The following SOS2 variants were observed in gnomAD, a reference collection of about 807,000 sequenced individuals.
SOS2 encodes SOS Ras/Rho guanine nucleotide exchange factor 2.
SOS2 carries 65 observed loss-of-function variants against 148.2 expected under a neutral mutation model. The observed-to-expected ratio is 0.44, with a 90% CI of 0.36 to 0.54. SOS2 has a LOEUF of 0.54. SOS2 is among the 20% of genes least tolerant of loss of function. The pLI, the probability that SOS2 is intolerant of heterozygous loss-of-function variation, is 0.00. For missense variants in SOS2, 1,341 were observed against 1,590.2 expected (o/e 0.84, Z 2.67); for synonymous variants, 539 against 537.1 (o/e 1.00, Z -0.05).
chr14:50,132,354 T>TAAAAAA (rs886376742), intron 19 of SOS2, among the ~76,000 whole-genome samples: 1 of 62,980 alleles, frequency 1.6e-5, no homozygotes, highest in Non-Finnish European at 2.8e-5. Context: ...CTATTGCCAT[T>TAAAAAA]AAAAAAAAAA....
intron 1 of SOS2, chr14:50,215,535 C>T (rs944160752): frequency 2.6e-6 from 3 of 1,157,394 alleles, no homozygotes; most frequent in Non-Finnish European, 3.3e-6. Context: ...AATTTCCAGT[C>T]TTTAACAGTA....
intron 1 of SOS2, among the ~76,000 whole-genome samples, chr14:50,209,006 C>G (rs1886768690): frequency 6.6e-6 from 1 of 152,094 alleles, no homozygotes; most frequent in Non-Finnish European, 1.5e-5. Context: ...CCCAGTGTGG[C>G]CTTATCCACT....
chr14:50,174,312 G>C (rs1594993204), intron 8 of SOS2, 142 bp downstream of exon 8: 1 of 415,664 alleles, frequency 2.4e-6, no homozygotes, highest in East Asian at 3.4e-5. Context: ...TAGAAATTTA[G>C]AGCAATGTTA....
At chr14:50,230,350 A>G (rs1298193058) in intron 1 of SOS2, among the ~76,000 whole-genome samples, 1 of 152,240 alleles carries the variant, frequency 6.6e-6, no homozygotes, top group Non-Finnish European at 1.5e-5. Flanking sequence ...AACAGGCATG[A>G]CAGCTGATCA....
chr14:50,165,302 C>T (rs1885131761), intron 8 of SOS2, among the ~76,000 whole-genome samples: 3 of 152,150 alleles, frequency 2.0e-5, no homozygotes, highest in Admixed American at 2.0e-4. Context: ...AAAACAGGAA[C>T]TGGTCAGTGA....
chr14:50,123,677 C>G (rs923503729), intron 21 of SOS2, among the ~76,000 whole-genome samples: 1 of 151,314 alleles, frequency 6.6e-6, no homozygotes, highest in Non-Finnish European at 1.5e-5. Context: ...GCCACCGTAC[C>G]CGGCCCACCA....
At chr14:50,128,705 C>G (rs1356932284) in intron 21 of SOS2, among the ~76,000 whole-genome samples, 1 of 152,136 alleles carries the variant, frequency 6.6e-6, no homozygotes, top group African/African-American at 2.4e-5. Flanking sequence ...GGTAGAGAAC[C>G]ACTGTTAATT....
intron 7 of SOS2, among the ~76,000 whole-genome samples, chr14:50,178,898 T>A (rs997706674): frequency 1.3e-5 from 2 of 151,846 alleles, no homozygotes; most frequent in African/African-American, 4.8e-5. Context: ...CACACCCAGC[T>A]AATTTTTGCA....
intron 5 of SOS2, 118 bp downstream of exon 5, chr14:50,188,379 G>C: frequency 4.3e-6 from 3 of 695,480 alleles, no homozygotes; most frequent in Non-Finnish European, 7.3e-6. Context: ...CTGCACTCCA[G>C]CCTGGGCAAC....
chr14:50,138,789 TA>T lies in SOS2; in HGVS notation c.2786-6del, dbSNP rs201957103. ...GAATATTTGTTAAATATATTCCTAG[TA>T]AAAAAAAAAAAAGAATTTAAAGAAA... On this transcript the variant is annotated splice_polypyrimidine_tract_variant and splice_region_variant and intron_variant, in intron 17 of 22. Transcript: ENST00000216373. 0.15 allele frequency: 85,661 copies of T among 586,194 alleles called. 172 individuals are homozygous for T. Among genetic ancestry groups the T allele is most frequent in the Middle Eastern group, 0.2 (386 of 1,966 alleles). The allele number at this position is 586,194 out of a possible 1,614,324, so 36.3% of individuals were successfully genotyped here.
In SOS2 at chr14:50,118,651, G is replaced by A. The variant is rs534481979; in HGVS notation, c.3692C>T (p.Pro1231Leu). 1.2e-6 allele frequency: 2 copies of A among 1,613,996 alleles called. No homozygotes were observed. Among genetic ancestry groups the A allele is most frequent in the African/African-American group, 2.7e-5 (2 of 74,972 alleles). Residue 1231 changes from proline to leucine, a missense_variant, in exon 23 of 23, where the codon CCA becomes CTA. Pro to Leu is a moderately conservative substitution (Grantham distance 98). Around this residue, in one of 4 missense-constraint regions of SOS2, gnomAD observed 354 missense variants for 347.7 expected, o/e 1.02. Transcript: ENST00000216373. ...LRPPEHFINC[P>L]FNLQPPPLGH... is the part of the protein sequence containing the mutation. ...CAGTGGAGGTGGCTGAAGATTAAAT[G>A]GACAGTTTATAAAGTGTTCTGGAGG... is the stretch of plus-strand genomic sequence containing the variant.
chr14:50,231,264 G>A lies in SOS2; in HGVS notation c.20C>T (p.Pro7Leu). Residue 7 changes from proline (P) to leucine (L), a missense_variant, in exon 1 of 23, where the codon CCT becomes CTT. Physicochemically the swap from Pro to Leu is moderately conservative, Grantham distance 98 (BLOSUM62 -3). Coordinates refer to ENST00000216373, the MANE Select transcript of SOS2 (RefSeq NM_006939.4). MQQAPQPYEFFSEENSP... is the reference protein window; with the variant it reads MQQAPQLYEFFSEENSP... ...GTTCTCCTCGCTGAAGAACTCGTAA[G>A]GCTGCGGCGCCTGCTGCATGGCCCC... 6.8e-7 allele frequency: 1 copy of A among 1,480,498 alleles called. No homozygotes were observed. Among genetic ancestry groups the A allele is most frequent in the Non-Finnish European group, 9.1e-7 (1 of 1,101,754 alleles). The allele number at this position is 1,480,498 out of a possible 1,614,324, so 91.7% of individuals were successfully genotyped here. A position where few individuals can be genotyped will look rare whatever the true frequency, so the allele number is the denominator to read the frequency against.
chr14:50,150,131 C>T lies in SOS2; in HGVS notation c.2261G>A (p.Ser754Asn), dbSNP rs181275468. ...NGVSHNITFE[S>N]PPPPIEWHIS... is the part of the protein sequence containing the mutation. ...ATGCCATTCAATTGGTGGAGGTGGA[C>T]TTTCAAAGGTAATATTATGGCTTAC... Residue 754 changes from serine (S) to asparagine (N), a missense_variant, in exon 14 of 23, where the codon AGT becomes AAT. Ser to Asn is a conservative substitution (Grantham distance 46, BLOSUM62 1). Transcript: ENST00000216373. 27 of 1,613,286 alleles carry T rather than the reference C, an allele frequency of 1.7e-5. No individual in the cohort carries two copies. In the Admixed American group the frequency reaches 2.5e-4, roughly 15 times the overall value.
At position 50,231,308 on chromosome 14, in the gene SOS2, T is replaced by C; in HGVS notation, c.-25A>G. 2 of 1,349,702 alleles carry C rather than the reference T, an allele frequency of 1.5e-6. No homozygotes were observed. The highest frequency in any genetic ancestry group is 4.5e-5 in the Admixed American group (2 of 44,480). 83.6% of individuals were successfully genotyped at this position (1,349,702 alleles called of 1,614,324 possible). ...TGGCCCCGGCGACAGCGCCTCCGCA[T>C]CGGGGGCAGCCCGCGGGCCGGGCCG... is the stretch of plus-strand genomic sequence containing the variant. On this transcript the variant is annotated 5_prime_UTR_variant, in exon 1 of 23. The change abolishes an upstream ATG in the 5' untranslated region. Coordinates refer to ENST00000216373, the MANE Select transcript of SOS2 (RefSeq NM_006939.4).
chr14:50,150,516 T>A (rs1248282283), intron 13 of SOS2, among the ~76,000 whole-genome samples: 1 of 152,090 alleles, frequency 6.6e-6, no homozygotes, highest in Non-Finnish European at 1.5e-5. Context: ...TACATTGTTA[T>A]CTTGAAGTAT....
chr14:50,137,172 TAGTTTAATTTAGAA>T (rs1884108908), intron 18 of SOS2, among the ~76,000 whole-genome samples: 2 of 152,306 alleles, frequency 1.3e-5, no homozygotes, highest in East Asian at 3.9e-4. Context: ...CATAATATCA[TAGTTTAATTTAGAA>T]GGTTGTTTCA....
In SOS2 at chr14:50,163,762, A is replaced by T. The variant is rs1885084229; in HGVS notation, c.1069-2153T>A. ...TCTTTAATAAATATGAATGTTGATG[A>T]CATCAAACACTTAATTAGAACTGTT... On this transcript the variant is annotated intron_variant, in intron 8 of 22. Transcript: ENST00000216373. Among the ~76,000 whole-genome samples, 6 of 152,356 alleles carry T rather than the reference A, an allele frequency of 3.9e-5. No individual in the cohort carries two copies. The South Asian group carries it at 1.2e-3, about 32-fold the overall frequency.
At chr14:50,185,417 C>T (rs539976864) in intron 5 of SOS2, among the ~76,000 whole-genome samples, 2 of 152,036 alleles carry the variant, frequency 1.3e-5, no homozygotes, top group Admixed American at 6.6e-5. Context: ...AGGGGTCAGG[C>T]GCGGTGGCTC....
At chr14:50,177,698 A>C (rs546109466) in intron 7 of SOS2, among the ~76,000 whole-genome samples, 2 of 152,330 alleles carry the variant, frequency 1.3e-5, no homozygotes, top group South Asian at 4.1e-4. Flanking sequence ...AGTAATTTTG[A>C]GAATTAAGTA....
Sources: gnomAD v4.1 joint callset for allele counts (sites outside exome capture counted in the v4.1 genomes callset) on GRCh38, gnomAD v4.1.1 for gene constraint, gnomAD v4.1.1 regional missense constraint, MANE v1.5 for transcripts, NCBI Gene and HGNC (gene_info 2026-07-23, HGNC 2026-07-21) for gene names.